Variants in NKAIN2 observed in about 807,000 individuals in gnomAD.
NKAIN2 encodes the protein sodium/potassium-transporting ATPase subunit beta-1-interacting protein 2.
In NKAIN2, 14 loss-of-function variants were observed where a neutral mutation model predicts 32.6. That is an observed-to-expected ratio of 0.43 (90% CI 0.28 to 0.67). NKAIN2 has a LOEUF of 0.67. Among genes scored for constraint, NKAIN2 ranks in the 30% least tolerant of loss-of-function variants. NKAIN2 has a pLI of 0.17. For missense variants in NKAIN2, 198 were observed against 258.3 expected (o/e 0.77, Z 1.60); for synonymous variants, 80 against 87.2 (o/e 0.92, Z 0.46).
intron 1 of NKAIN2, among the ~76,000 whole-genome samples, chr6:124,134,865 A>C (rs1005394762): frequency 1.3e-5 from 2 of 152,170 alleles, no homozygotes; most frequent in African/African-American, 4.8e-5. Flanking sequence ...AGTCAAGATG[A>C]AGGAAAAAAA....
At chr6:124,374,770 T>A (rs1215468672) in intron 3 of NKAIN2, among the ~76,000 whole-genome samples, 2 of 152,150 alleles carry the variant, frequency 1.3e-5, no homozygotes. Flanking sequence ...TATAACAACC[T>A]AACTATCCAA....
intron 3 of NKAIN2, among the ~76,000 whole-genome samples, chr6:124,405,508 A>G (rs914092737): frequency 6.6e-5 from 10 of 151,730 alleles, no homozygotes; most frequent in African/African-American, 1.7e-4. Flanking sequence ...TCACAATACT[A>G]AGACAAATAT....
chr6:124,109,561 C>T (rs988587661), intron 1 of NKAIN2, among the ~76,000 whole-genome samples: 4 of 151,804 alleles, frequency 2.6e-5, no homozygotes, highest in South Asian at 4.2e-4. Flanking sequence ...AAGATGGAGT[C>T]GGAATATTTT....
In NKAIN2 at chr6:124,406,139, A is replaced by G. The variant is rs539345406; in HGVS notation, c.273+50792A>G. On this transcript the variant is annotated intron_variant, in intron 3 of 6. Transcript: ENST00000368417. ...ATTTGGTAAGTTTTGACATATGTAT[A>G]TACTTAAGAAACCATCACCAAAATC... is the stretch of plus-strand genomic sequence containing the variant. 5.7e-4 allele frequency among the ~76,000 whole-genome samples: 86 copies of G among 152,140 alleles called. 1 individual carries two copies. In the South Asian group the frequency reaches 0.014, roughly 25 times the overall value.
chr6:123,958,287 G>GT (rs1777691115), intron 1 of NKAIN2, among the ~76,000 whole-genome samples: 1 of 152,156 alleles, frequency 6.6e-6, no homozygotes, highest in East Asian at 1.9e-4. Context: ...AAAGAAACAG[G>GT]TTTACCAAAT....
chr6:123,868,408 C>T (rs1246620374), intron 1 of NKAIN2, among the ~76,000 whole-genome samples: 3 of 152,048 alleles, frequency 2.0e-5, no homozygotes, highest in Non-Finnish European at 4.4e-5. Flanking sequence ...TAATAGTTTG[C>T]CATAAGAAGA....
intron 2 of NKAIN2, among the ~76,000 whole-genome samples, chr6:124,335,676 A>G (rs1168601158): frequency 6.6e-6 from 1 of 152,178 alleles, no homozygotes; most frequent in African/African-American, 2.4e-5. Context: ...AAATATTATT[A>G]ACTTTCTATT....
chr6:124,673,798 T>G (rs1199575132), intron 4 of NKAIN2, among the ~76,000 whole-genome samples: 3 of 152,012 alleles, frequency 2.0e-5, no homozygotes, highest in Non-Finnish European at 4.4e-5. Context: ...TTATCAGATA[T>G]ATGGTTTACC....
chr6:124,795,500 T>G (rs1779957947), intron 5 of NKAIN2, among the ~76,000 whole-genome samples: 1 of 152,180 alleles, frequency 6.6e-6, no homozygotes, highest in Non-Finnish European at 1.5e-5. Flanking sequence ...TTCCCTTATG[T>G]ATCCTTTTAA....
intron 1 of NKAIN2, among the ~76,000 whole-genome samples, chr6:123,981,127 A>G (rs1778876589): frequency 6.6e-6 from 1 of 152,138 alleles, no homozygotes; most frequent in Admixed American, 6.5e-5. Context: ...TCGGCCTCTC[A>G]AAATGCTGGG....
rs372714617 is a variant in NKAIN2, at chr6:124,043,377, C to G, written c.54+239123C>G. ...AAATAAATAAATATTAGACAAATTT[C>G]TTAAGGATATTTATTTACAGGAGTG... is the stretch of plus-strand genomic sequence containing the variant. On this transcript the variant is annotated intron_variant, in intron 1 of 6. Coordinates refer to ENST00000368417, the MANE Select transcript of NKAIN2 (RefSeq NM_001040214.3). 4.6e-5 allele frequency among the ~76,000 whole-genome samples: 7 copies of G among 152,080 alleles called. No homozygotes were observed. In the South Asian group the frequency reaches 8.3e-4, roughly 18 times the overall value.
intron 3 of NKAIN2, among the ~76,000 whole-genome samples, chr6:124,524,390 C>T (rs1779234229): frequency 1.3e-5 from 2 of 152,020 alleles, no homozygotes; most frequent in African/African-American, 4.8e-5. Flanking sequence ...TAAATATTAA[C>T]CTTATGTAAT....
At position 123,910,499 on chromosome 6, in the gene NKAIN2, G is replaced by GTTTTTTTTTTTTTTTTTTTTT. The variant is rs35165515; in HGVS notation, c.54+106248_54+106268dup. Among the ~76,000 whole-genome samples, 11 of 81,316 alleles carry GTTTTTTTTTTTTTTTTTTTTT rather than the reference G, an allele frequency of 1.4e-4. 1 individual carries two copies. Among genetic ancestry groups the GTTTTTTTTTTTTTTTTTTTTT allele is most frequent in the African/African-American group, 5.5e-4 (11 of 19,924 alleles). 53.3% of individuals were successfully genotyped at this position (81,316 alleles called of 152,430 possible). ...TTTGAGGACATTACCTGCAATGCAT[G>GTTTTTTTTTTTTTTTTTTTTT]TTTTTTTTTTTTTTTTTTTTTTTGA... is the stretch of plus-strand genomic sequence containing the variant. On this transcript the variant is annotated intron_variant, in intron 1 of 6. Transcript: ENST00000368417.
At chr6:124,220,441 T>C (rs1791753132) in intron 1 of NKAIN2, among the ~76,000 whole-genome samples, 1 of 132,216 alleles carries the variant, frequency 7.6e-6, no homozygotes, top group South Asian at 2.8e-4. Context: ...TATTGATGTA[T>C]GCACTCTCCT....
intron 1 of NKAIN2, among the ~76,000 whole-genome samples, chr6:124,084,061 G>T (rs1401784233): frequency 6.6e-6 from 1 of 151,920 alleles, no homozygotes; most frequent in Admixed American, 6.6e-5. Context: ...TAGGGTGAAG[G>T]GGAGGTAGTG....
chr6:124,285,624 A>AAT (rs2114929257), intron 2 of NKAIN2, among the ~76,000 whole-genome samples: 1 of 152,208 alleles, frequency 6.6e-6, no homozygotes, highest in African/African-American at 2.4e-5. Context: ...TTCTGGTACC[A>AAT]ATATCTGTTC....
chr6:124,093,846 C>A (rs1190417698), intron 1 of NKAIN2, among the ~76,000 whole-genome samples: 1 of 152,098 alleles, frequency 6.6e-6, no homozygotes, highest in African/African-American at 2.4e-5. Flanking sequence ...TGGAGCACAT[C>A]AAGAGGAAAG....
chr6:124,377,009 C>A (rs1800020945), intron 3 of NKAIN2, among the ~76,000 whole-genome samples: 1 of 152,106 alleles, frequency 6.6e-6, no homozygotes, highest in Non-Finnish European at 1.5e-5. Flanking sequence ...TGGTAAACAG[C>A]AATATATTCT....
intron 1 of NKAIN2, among the ~76,000 whole-genome samples, chr6:124,197,665 G>A (rs886764749): frequency 6.6e-6 from 1 of 151,930 alleles, no homozygotes; most frequent in South Asian, 2.1e-4. Context: ...TTTGGACAAT[G>A]AATACAGGAA....
Sources: allele counts gnomAD v4.1 joint callset (sites outside exome capture counted in the v4.1 genomes callset), GRCh38; gene constraint gnomAD v4.1.1; transcripts MANE v1.5; gene names NCBI Gene and HGNC (gene_info 2026-07-23, HGNC 2026-07-21).